The following CHAF1B variants were observed in gnomAD, a reference collection of about 807,000 sequenced individuals.
The protein encoded by CHAF1B is CAF-1 subunit B.
Under a neutral mutation model 60.7 loss-of-function variants are expected in CHAF1B, and 10 were observed. The ratio of observed to expected loss-of-function variants is 0.16; its 90% CI spans 0.10 to 0.28. The LOEUF (loss-of-function observed/expected upper bound fraction) is 0.28, where lower values mean the gene tolerates loss of function less well. CHAF1B is among the 10% of genes least tolerant of loss of function. The pLI is 1.00. For missense variants in CHAF1B, 558 were observed against 708.4 expected (o/e 0.79, Z 2.41); for synonymous variants, 261 against 266.1 (o/e 0.98, Z 0.19).
intron 3 of CHAF1B, chr21:36,388,881 G>C (rs1476498402): frequency 1.3e-5 from 2 of 152,226 alleles, no homozygotes; most frequent in Non-Finnish European, 2.9e-5. Context: ...CCCCTCTTCA[G>C]TGGGCCCTGA....
At position 36,397,402 on chromosome 21, in the gene CHAF1B, G is replaced by T. The variant is rs187623998; in HGVS notation, c.482-13G>T. ...ATGCTGTTTTGGTGCGTGTGTGTGTGTTTTTTTTGTAGGACAAAAGATATC... is the reference window on the plus strand; with the variant it reads ...ATGCTGTTTTGGTGCGTGTGTGTGTTTTTTTTTTGTAGGACAAAAGATATC... On this transcript the variant is annotated splice_polypyrimidine_tract_variant and intron_variant, in intron 5 of 13. Transcript: ENST00000314103. 40,364 of 1,402,818 alleles carry T rather than the reference G, an allele frequency of 0.029. 734 individuals are homozygous for T. The highest frequency in any genetic ancestry group is 0.074 in the South Asian group (5,656 of 76,176). 86.9% of individuals were successfully genotyped at this position (1,402,818 alleles called of 1,614,324 possible). A position where few individuals can be genotyped will look rare whatever the true frequency, so the allele number is the denominator to read the frequency against.
intron 12 of CHAF1B, 147 bp from the exon 13 acceptor site, chr21:36,415,148 C>G: frequency 1.7e-6 from 1 of 597,556 alleles, no homozygotes; most frequent in South Asian, 2.1e-5. Context: ...CAAGTGGGCA[C>G]ATCTTACTAT....
intron 8 of CHAF1B, among the ~76,000 whole-genome samples, chr21:36,405,766 A>G (rs138448124): frequency 1.8e-4 from 27 of 152,250 alleles, no homozygotes; most frequent in Admixed American, 3.3e-4. Context: ...CAGGACCTTT[A>G]TGGAGAAGTC....
chr21:36,385,791 C>A (rs2086026001), intron 1 of CHAF1B, among the ~76,000 whole-genome samples: 1 of 152,142 alleles, frequency 6.6e-6, no homozygotes. Context: ...CCCTACTAAG[C>A]GGGGACAGGC....
At chr21:36,395,912 C>A (rs1197509523) in intron 5 of CHAF1B, among the ~76,000 whole-genome samples, 4 of 152,118 alleles carry the variant, frequency 2.6e-5, no homozygotes, top group African/African-American at 9.7e-5. Context: ...CAGCCCAGTT[C>A]TCATCCAGTC....
At chr21:36,393,912 T>G (rs56382962) in intron 4 of CHAF1B, among the ~76,000 whole-genome samples, 2 of 151,874 alleles carry the variant, frequency 1.3e-5, no homozygotes, top group African/African-American at 4.8e-5. Flanking sequence ...TGTTTTGTTT[T>G]GTTTAGAGTC....
At chr21:36,390,672 T>C (rs1445531712) in intron 3 of CHAF1B, among the ~76,000 whole-genome samples, 3 of 152,206 alleles carry the variant, frequency 2.0e-5, no homozygotes, top group African/African-American at 7.2e-5. Context: ...ATCCTCATTT[T>C]TGAGACAGGG....
Position 36,416,481 on chromosome 21 carries a change from AT to A in CHAF1B, c.*118del, listed in dbSNP as rs2146380124. 1.5e-6 allele frequency: 1 copy of A among 681,000 alleles called. No homozygotes were observed. 42.2% of individuals were successfully genotyped at this position (681,000 alleles called of 1,614,324 possible). A position where few individuals can be genotyped will look rare whatever the true frequency, so the allele number is the denominator to read the frequency against. ...ATGGAGCGGGACACACTGTAAATGG[AT>A]TTCTATAACAGAAGTGACATGTGTA... On this transcript the variant is annotated 3_prime_UTR_variant, in exon 14 of 14. Coordinates refer to ENST00000314103, the MANE Select transcript of CHAF1B (RefSeq NM_005441.3).
At position 36,394,583 on chromosome 21, in the gene CHAF1B, A is replaced by G; in HGVS notation, c.414A>G (p.Ala138=). Residue 138 remains alanine (A), a synonymous_variant, in exon 5 of 14, where the codon GCA becomes GCG. Transcript: ENST00000314103. The part of the protein sequence containing the change: ...HLEDVYDICW[A]TDGNLMASAS... ...AAGATGTGTATGATATTTGCTGGGCAACTGATGGGAATTTAATGGCTTCTG... is the reference window on the plus strand; with the variant it reads ...AAGATGTGTATGATATTTGCTGGGCGACTGATGGGAATTTAATGGCTTCTG... 6.2e-7 allele frequency: 1 copy of G among 1,613,878 alleles called. No individual in the cohort carries two copies. The highest frequency in any genetic ancestry group is 8.5e-7 in the Non-Finnish European group (1 of 1,179,858).
chr21:36,396,260 A>C (rs1012053489), intron 5 of CHAF1B, among the ~76,000 whole-genome samples: 6 of 149,396 alleles, frequency 4.0e-5, no homozygotes, highest in Admixed American at 2.7e-4. Flanking sequence ...TCGGCCTCCC[A>C]AAGTGCTGGG....
At position 36,399,610 on chromosome 21, in the gene CHAF1B, A is replaced by G. The variant is rs746682092; in HGVS notation, c.663+5A>G. On this transcript the variant is annotated splice_donor_5th_base_variant and intron_variant, in intron 7 of 13. Coordinates refer to ENST00000314103, the MANE Select transcript of CHAF1B (RefSeq NM_005441.3). The stretch of plus-strand genomic sequence containing the variant: ...GGAATAGGGGCTGAAGGAGAGGTAT[A>G]AAATATTTTGCCATTCTTTTTCAGC... The G allele has an allele frequency of 6.2e-7, 1 of 1,612,968 alleles. No individual in the cohort carries two copies. Among genetic ancestry groups the G allele is most frequent in the South Asian group, 1.1e-5 (1 of 91,060 alleles).
chr21:36,415,433 ATCTTT>A, intron 13 of CHAF1B, 44 bp downstream of exon 13: 1 of 1,274,206 alleles, frequency 7.8e-7, no homozygotes, highest in Non-Finnish European at 1.1e-6. Context: ...AAGGTAGAGT[ATCTTT>A]TCTTTTGTTC....
At chr21:36,398,205 A>C (rs1317379240) in intron 6 of CHAF1B, 1 of 151,780 alleles carries the variant, frequency 6.6e-6, no homozygotes, top group Non-Finnish European at 1.5e-5. Flanking sequence ...GGTGTGCACC[A>C]CCACACCCGG....
chr21:36,401,624 T>TATATTATACATAA (rs2086192214), intron 7 of CHAF1B, among the ~76,000 whole-genome samples: 2 of 139,454 alleles, frequency 1.4e-5, no homozygotes, highest in African/African-American at 5.3e-5. Flanking sequence ...ATATATATTT[T>TATATTATACATAA]TATATTATAT....
chr21:36,416,193 G>T, intron 13 of CHAF1B, 82 bp from the exon 14 acceptor site: 1 of 1,203,524 alleles, frequency 8.3e-7, no homozygotes, highest in Non-Finnish European at 1.2e-6. Flanking sequence ...TCCGTGTCTT[G>T]GCTCTGTATT....
chr21:36,399,570 T>C lies in CHAF1B; in HGVS notation c.628T>C (p.Ser210Pro). Residue 210 changes from serine to proline, a missense_variant, in exon 7 of 14, where the codon TCG becomes CCG. By Grantham distance (74) the Ser-to-Pro change is moderately conservative (BLOSUM62 -1). Coordinates refer to ENST00000314103, the MANE Select transcript of CHAF1B (RefSeq NM_005441.3). ...IQKKRVAFNV[S>P]KMLSGIGAEG... ...GAAGAAGCGTGTGGCTTTCAATGTT[T>C]CGAAGATGCTGTCTGGAATAGGGGC... The C allele has an allele frequency of 6.2e-7, 1 of 1,614,172 alleles. No individual in the cohort carries two copies. The highest frequency in any genetic ancestry group is 8.5e-7 in the Non-Finnish European group (1 of 1,180,010).
chr21:36,386,432 G>C (rs2086035378), intron 2 of CHAF1B, among the ~76,000 whole-genome samples, 170 bp downstream of exon 2: 1 of 152,136 alleles, frequency 6.6e-6, no homozygotes, highest in Admixed American at 6.6e-5. Context: ...ACACCAGCCT[G>C]GGCAACAGCC....
intron 8 of CHAF1B, among the ~76,000 whole-genome samples, chr21:36,406,616 G>A (rs2086240169): frequency 6.6e-6 from 1 of 151,964 alleles, no homozygotes; most frequent in Non-Finnish European, 1.5e-5. Flanking sequence ...AGATGAAATT[G>A]TATGTAGTTG....
chr21:36,412,508 C>T (rs555964894), intron 11 of CHAF1B, among the ~76,000 whole-genome samples: 3 of 152,226 alleles, frequency 2.0e-5, no homozygotes, highest in South Asian at 4.2e-4. Context: ...TACAGGCGCC[C>T]ACCACCATGG....
Sources: gnomAD v4.1 joint callset for allele counts (sites outside exome capture counted in the v4.1 genomes callset) on GRCh38, gnomAD v4.1.1 for gene constraint, MANE v1.5 for transcripts, NCBI Gene and HGNC (gene_info 2026-07-23, HGNC 2026-07-21) for gene names.